RCAN1: variants seen among roughly 807,000 people sequenced by gnomAD.
RCAN1 encodes calcipressin-1.
Under a neutral mutation model 22.9 loss-of-function variants are expected in RCAN1, and 11 were observed. The observed-to-expected ratio is 0.48, with a 90% CI of 0.30 to 0.79. The LOEUF (loss-of-function observed/expected upper bound fraction) is 0.79. RCAN1 is among the 30% of genes least tolerant of loss of function. The pLI, the probability that RCAN1 is intolerant of heterozygous loss-of-function variation, is 0.06. For missense variants in RCAN1, 291 were observed against 337.8 expected (o/e 0.86, Z 1.09); for synonymous variants, 136 against 142.3 (o/e 0.96, Z 0.32).
chr21:34,569,985 G>A (rs1987176207), intron 1 of RCAN1, among the ~76,000 whole-genome samples: 1 of 152,254 alleles, frequency 6.6e-6, no homozygotes, highest in Non-Finnish European at 1.5e-5. Context: ...GGGAGGTGAA[G>A]GTAGTGGTGG....
At chr21:34,603,776 A>G (rs1435607761) in intron 1 of RCAN1, among the ~76,000 whole-genome samples, 1 of 152,238 alleles carries the variant, frequency 6.6e-6, no homozygotes, top group East Asian at 1.9e-4. Flanking sequence ...GAGATGATGT[A>G]CCTAAAATAT....
At chr21:34,570,719 A>C (rs531449003) in intron 1 of RCAN1, among the ~76,000 whole-genome samples, 144 of 152,196 alleles carry the variant, frequency 9.5e-4, no homozygotes, top group South Asian at 2.7e-3. Context: ...CACTACGATA[A>C]ACCAAAAATA....
Position 34,518,275 on chromosome 21 carries a change from C to G in RCAN1, c.587-19G>C. Reference sequence around the variant, plus strand: ...TTTTCCCCTAAGGAGGGAAAATAATCGCAGGGTCACTCAGACAAGTCCTTG... The same window carrying G: ...TTTTCCCCTAAGGAGGGAAAATAATGGCAGGGTCACTCAGACAAGTCCTTG... On this transcript the variant is annotated intron_variant, in intron 3 of 3. Transcript: ENST00000313806. This position sits in a 1 kb window ranked among gnomAD's most constrained non-coding sequence, Gnocchi z 4.2. 6.2e-7 allele frequency: 1 copy of G among 1,611,806 alleles called. No individual in the cohort carries two copies. Among genetic ancestry groups the G allele is most frequent in the Non-Finnish European group, 8.5e-7 (1 of 1,178,636 alleles).
chr21:34,600,156 T>C (rs535718643), intron 1 of RCAN1, among the ~76,000 whole-genome samples: 2 of 152,310 alleles, frequency 1.3e-5, no homozygotes, highest in Non-Finnish European at 2.9e-5. Context: ...GACAGACTGC[T>C]GGGTGGCATG....
In RCAN1 at chr21:34,523,706, T is replaced by C. The variant is rs745776053; in HGVS notation, c.257A>G (p.Lys86Arg). The C allele has an allele frequency of 2.9e-5, 46 of 1,611,212 alleles. No homozygotes were observed. Among genetic ancestry groups the C allele is most frequent in the Non-Finnish European group, 3.4e-5 (40 of 1,178,938 alleles). The stretch of plus-strand genomic sequence containing the variant: ...ATACGTCCTAAAGAGGGACTCAAAT[T>C]TGGCCTGAAAAATAACAATAAAAAT... ...RVFVDGLCRAKFESLFRTYDK... is the reference protein window; with the variant it reads ...RVFVDGLCRARFESLFRTYDK... Residue 86 changes from lysine to arginine, a missense_variant, in exon 2 of 4, where the codon AAA (lysine) becomes AGA (arginine). Lys to Arg is a conservative substitution (Grantham distance 26). Coordinates refer to ENST00000313806, the MANE Select transcript of RCAN1 (RefSeq NM_004414.7).
intron 1 of RCAN1, among the ~76,000 whole-genome samples, chr21:34,608,040 A>G (rs1988583732): frequency 6.6e-6 from 1 of 152,196 alleles, no homozygotes; most frequent in African/African-American, 2.4e-5. Context: ...ATGATCTGTC[A>G]CTGTCTCCCA....
At chr21:34,556,894 T>C (rs2834536) in intron 1 of RCAN1, among the ~76,000 whole-genome samples, 65,997 of 151,996 alleles carry the variant, frequency 0.43, 14,906 homozygotes, top group South Asian at 0.48. Context: ...CTGATGAAAA[T>C]ATGGGGACAC....
intron 1 of RCAN1, among the ~76,000 whole-genome samples, chr21:34,547,573 GA>G (rs1189733199): frequency 3.3e-5 from 5 of 152,222 alleles, no homozygotes; most frequent in Non-Finnish European, 7.3e-5. Context: ...TTATGTGTTA[GA>G]AACTTAATTG....
At chr21:34,544,981 C>G (rs9636619) in intron 1 of RCAN1, among the ~76,000 whole-genome samples, 36,747 of 152,102 alleles carry the variant, frequency 0.24, 5,182 homozygotes, top group African/African-American at 0.39. Context: ...CCTCTGATTT[C>G]TGACTTCACT....
intron 1 of RCAN1, among the ~76,000 whole-genome samples, chr21:34,563,788 T>TAGAG (rs1349261254): frequency 1.1e-3 from 100 of 94,088 alleles, no homozygotes; most frequent in South Asian, 1.2e-3. Context: ...TATATATATA[T>TAGAG]ATATATAGAG....
chr21:34,540,729 G>A (rs761450638), intron 1 of RCAN1, among the ~76,000 whole-genome samples: 1 of 152,140 alleles, frequency 6.6e-6, no homozygotes, highest in Non-Finnish European at 1.5e-5. Flanking sequence ...GCTCACTCCT[G>A]TAATCCCAGC....
intron 1 of RCAN1, among the ~76,000 whole-genome samples, chr21:34,591,311 G>GA (rs1387282402): frequency 6.6e-6 from 1 of 152,086 alleles, no homozygotes; most frequent in African/African-American, 2.4e-5. Context: ...GGGGCACAGA[G>GA]AAAAAAACAA....
At chr21:34,550,463 A>G (rs148600638) in intron 1 of RCAN1, among the ~76,000 whole-genome samples, 31 of 152,300 alleles carry the variant, frequency 2.0e-4, no homozygotes, top group African/African-American at 7.5e-4. Context: ...GCCCAATCCA[A>G]TCTGCTGGGT....
chr21:34,614,373 T>C lies in RCAN1; in HGVS notation c.252+387A>G. On this transcript the variant is annotated intron_variant, in intron 1 of 3. Transcript: ENST00000313806. The surrounding 1 kb of genome is among the most constrained non-coding windows in gnomAD (Gnocchi z 6.0). ...AGTCACGTCGCCGCTCAATGTCTGT[T>C]TCCTCCTCCCTAGGAATGAGGTGAC... is the stretch of plus-strand genomic sequence containing the variant. 4.0e-6 allele frequency: 4 copies of C among 992,272 alleles called. No individual in the cohort carries two copies. The highest frequency in any genetic ancestry group is 4.8e-6 in the Non-Finnish European group (4 of 834,582). The allele number at this position is 992,272 out of a possible 1,614,324, so 61.5% of individuals were successfully genotyped here. A position where few individuals can be genotyped will look rare whatever the true frequency, so the allele number is the denominator to read the frequency against.
chr21:34,569,555 C>A (rs1284168242), intron 1 of RCAN1, among the ~76,000 whole-genome samples: 4 of 152,184 alleles, frequency 2.6e-5, no homozygotes, highest in Non-Finnish European at 5.9e-5. Context: ...CCTTCCTCCA[C>A]CTGCCTACCC....
intron 1 of RCAN1, among the ~76,000 whole-genome samples, chr21:34,551,240 C>T (rs181382664): frequency 1.3e-5 from 2 of 152,184 alleles, no homozygotes; most frequent in Non-Finnish European, 2.9e-5. Context: ...GAACACTCTT[C>T]CTTTTTGGAT....
intron 1 of RCAN1, among the ~76,000 whole-genome samples, chr21:34,605,054 G>T (rs1988480363): frequency 6.6e-6 from 1 of 152,212 alleles, no homozygotes; most frequent in South Asian, 2.1e-4. Context: ...AACTTGATTG[G>T]ATTGAAAGAT....
At chr21:34,570,819 C>G (rs1323665203) in intron 1 of RCAN1, among the ~76,000 whole-genome samples, 6 of 152,092 alleles carry the variant, frequency 3.9e-5, no homozygotes, top group Admixed American at 3.9e-4. Flanking sequence ...TAGCACAGTG[C>G]TAGAATATCC....
At chr21:34,600,880 G>A (rs553130040) in intron 1 of RCAN1, among the ~76,000 whole-genome samples, 1 of 152,266 alleles carries the variant, frequency 6.6e-6, no homozygotes, top group East Asian at 1.9e-4. Flanking sequence ...TAGCATATAT[G>A]GTGCTGCGGT....
Sources: gnomAD v4.1 joint callset for allele counts (sites outside exome capture counted in the v4.1 genomes callset) on GRCh38, gnomAD v4.1.1 for gene constraint, Gnocchi (gnomAD v3.1) non-coding constraint, MANE v1.5 for transcripts, NCBI Gene and HGNC (gene_info 2026-07-23, HGNC 2026-07-21) for gene names.